The following MYBBP1A variants were observed in gnomAD, a reference collection of about 807,000 sequenced individuals.
MYBBP1A encodes MYB binding protein 1a, also known as myb-binding protein 1A.
MYBBP1A carries 147 observed loss-of-function variants against 136.3 expected under a neutral mutation model. That is an observed-to-expected ratio of 1.08 (90% CI 0.94 to 1.24). MYBBP1A has a LOEUF of 1.24. MYBBP1A is among the 50% of genes most tolerant of loss of function. The probability of loss-of-function intolerance (pLI) is 0.00; values close to 1 mark genes in which losing one functional copy is unlikely to be tolerated. For synonymous variants in MYBBP1A, 947 were observed against 735.8 expected (o/e 1.29, Z -4.65); for missense variants, 2,060 against 1,727.4 (o/e 1.19, Z -3.41).
chr17:4,545,094 G>GCTCCTCCTCCTCGCT lies in MYBBP1A; in HGVS notation c.2227_2241dup (p.Ser743_Glu747dup). 6.3e-7 allele frequency: 1 copy of GCTCCTCCTCCTCGCT among 1,594,692 alleles called. No homozygotes were observed. The highest frequency in any genetic ancestry group is 8.5e-7 in the Non-Finnish European group (1 of 1,171,814). ...AAGCCCTGATCCACGTCCCCGTCGC[G>GCTCCTCCTCCTCGCT]CTCCTCCTCCTCGCTCTCCTCCCCC... is the stretch of plus-strand genomic sequence containing the variant. On this transcript the variant is annotated inframe_insertion, in exon 17 of 26. Transcript: ENST00000254718.
At chr17:4,541,992 G>C in intron 22 of MYBBP1A, 101 bp from the exon 23 acceptor site, 1 of 855,926 alleles carries the variant, frequency 1.2e-6, no homozygotes, top group Non-Finnish European at 1.8e-6. Flanking sequence ...ACTGCTGTGG[G>C]CAGCGTGTGA....
Position 4,548,277 on chromosome 17 carries a change from CTGCT to C in MYBBP1A, c.1586_1589del (p.Lys529ArgfsTer24). On this transcript the variant is annotated frameshift_variant, in exon 12 of 26. Coordinates refer to ENST00000254718, the MANE Select transcript of MYBBP1A (RefSeq NM_014520.4). LOFTEE classifies it high-confidence loss of function. The surrounding 1 kb of genome is among the most constrained non-coding windows in gnomAD (Gnocchi z 4.2). ...GCCCACCCTGGGTCTGGCCCGGTGC[CTGCT>C]TGAACTGCGTGCTGAGGGTCTGCAA... The C allele has an allele frequency of 6.2e-7, 1 of 1,612,578 alleles. No homozygotes were observed. The highest frequency in any genetic ancestry group is 1.7e-5 in the Admixed American group (1 of 60,018).
At chr17:4,546,331 C>A (rs1011739322) in intron 13 of MYBBP1A, among the ~76,000 whole-genome samples, 32 of 152,336 alleles carry the variant, frequency 2.1e-4, no homozygotes, top group Middle Eastern at 3.4e-3. Flanking sequence ...GTTGGCCAGG[C>A]TGGTCTTGAA....
At chr17:4,542,772 C>G in intron 20 of MYBBP1A, 31 bp from the exon 21 acceptor site, 4 of 1,609,922 alleles carry the variant, frequency 2.5e-6, no homozygotes, top group Non-Finnish European at 3.4e-6. Context: ...CTGGGTGAGG[C>G]CAGGAGAGGG....
intron 8 of MYBBP1A, 49 bp downstream of exon 8, chr17:4,551,831 T>C: frequency 6.4e-7 from 1 of 1,550,908 alleles, no homozygotes; most frequent in Non-Finnish European, 8.9e-7. Flanking sequence ...CAGGGAGAGC[T>C]CCACGTCTAG....
rs771785848 is a variant in MYBBP1A at position 4,545,309 on chromosome 17, G to A, written c.2110C>T (p.Arg704Cys). ...NPETSEDEND[R>C]VVVTDDSDER... ...TCAGAATCGTCCGTCACCACCACAC[G>A]GTCATTCTCATCCTCACTGGTCTCG... is the stretch of plus-strand genomic sequence containing the variant. The change falls in exon 16 of 26, where the codon CGT becomes TGT. Residue 704 changes from arginine (R) to cysteine (C), a missense_variant. Transcript: ENST00000254718. The A allele has an allele frequency of 9.9e-6, 16 of 1,612,578 alleles. No homozygotes were observed. The highest frequency in any genetic ancestry group is 2.7e-5 in the African/African-American group (2 of 74,570).
Position 4,553,041 on chromosome 17 carries a change from T to C in MYBBP1A, c.562-415A>G, listed in dbSNP as rs568245287. Among the ~76,000 whole-genome samples the C allele has an allele frequency of 2.6e-5, 4 of 152,224 alleles. No individual in the cohort carries two copies. The East Asian group carries it at 7.7e-4, about 29-fold the overall frequency. ...TTCACCATGTTGGCCAGGCTGGTCT[T>C]GAACTCCTGACCTCAAGTGATCTGC... is the stretch of plus-strand genomic sequence containing the variant. On this transcript the variant is annotated intron_variant, in intron 5 of 25. Coordinates refer to ENST00000254718, the MANE Select transcript of MYBBP1A (RefSeq NM_014520.4).
At position 4,548,259 on chromosome 17, in the gene MYBBP1A, C is replaced by T. The variant is rs1293509874; in HGVS notation, c.1608G>A (p.Gln536=). The stretch of plus-strand genomic sequence containing the variant: ...GGTGGTAGGTCCAGGGCTGCCCACC[C>T]TGGGTCTGGCCCGGTGCCTGCTTGA... ...TQFKQAPGQT[Q]GGQPWTYHLV... The change falls in exon 12 of 26, where the codon CAG becomes CAA. Residue 536 remains glutamine, a synonymous_variant. Coordinates refer to ENST00000254718, the MANE Select transcript of MYBBP1A (RefSeq NM_014520.4). This position sits in a 1 kb window ranked among gnomAD's most constrained non-coding sequence, Gnocchi z 4.2. 1 of 1,612,384 alleles carries T rather than the reference C, an allele frequency of 6.2e-7. No individual in the cohort carries two copies. Among genetic ancestry groups the T allele is most frequent in the Non-Finnish European group, 8.5e-7 (1 of 1,180,010 alleles).
Position 4,544,546 on chromosome 17 carries a change from C to G in MYBBP1A, c.2582G>C (p.Arg861Pro). 1 of 1,559,036 alleles carries G rather than the reference C, an allele frequency of 6.4e-7. No individual in the cohort carries two copies. Among genetic ancestry groups the G allele is most frequent in the Non-Finnish European group, 8.7e-7 (1 of 1,152,002 alleles). The change falls in exon 19 of 26, where the codon CGC becomes CCC. Residue 861 changes from arginine to proline, a missense_variant. Arg to Pro is a moderately radical substitution (Grantham distance 103). Coordinates refer to ENST00000254718, the MANE Select transcript of MYBBP1A (RefSeq NM_014520.4). ...PLLSIIRRSL[R>P]SSSSKQEQDL... ...CTGCTCCTGTTTGGAGCTGCTGCTG[C>G]GCAGGCTGCGCCGGATGATGCTCAG...
Position 4,545,271 on chromosome 17 carries a change from C to T in MYBBP1A, c.2148G>A (p.Leu716=). 1.2e-6 allele frequency: 2 copies of T among 1,612,826 alleles called. No individual in the cohort carries two copies. Among genetic ancestry groups the T allele is most frequent in the East Asian group, 2.2e-5 (1 of 44,850 alleles). The change falls in exon 16 of 26, where the codon CTG becomes CTA. Residue 716 remains leucine (L), a synonymous_variant. Transcript: ENST00000254718. ...VVTDDSDERR[L]KGAEDKSEEG... ...ATGCTGGCAACACCTCTGCACCCTT[C>T]AGCCGCCGCTCATCAGAATCGTCCG...
intron 5 of MYBBP1A, 121 bp downstream of exon 5, chr17:4,553,689 G>A (rs185003783): frequency 3.6e-5 from 26 of 718,456 alleles, no homozygotes; most frequent in African/African-American, 1.3e-4. Context: ...TCACTGAAAC[G>A]CTTCAAATTA....
chr17:4,549,796 A>C (rs1907341690), intron 9 of MYBBP1A, among the ~76,000 whole-genome samples: 1 of 151,300 alleles, frequency 6.6e-6, no homozygotes, highest in Non-Finnish European at 1.5e-5. Flanking sequence ...AAAAAAAAAA[A>C]AAAAAAAAAA....
At position 4,552,711 on chromosome 17, in the gene MYBBP1A, C is replaced by T; in HGVS notation, c.562-85G>A. ...GTTCTACCTGCTCCTGACACGGGGCCACCTGGTGAGGTATCAGAGTCATCA... is the reference window on the plus strand; with the variant it reads ...GTTCTACCTGCTCCTGACACGGGGCTACCTGGTGAGGTATCAGAGTCATCA... On this transcript the variant is annotated intron_variant, in intron 5 of 25. Coordinates refer to ENST00000254718, the MANE Select transcript of MYBBP1A (RefSeq NM_014520.4). This position sits in a 1 kb window ranked among gnomAD's most constrained non-coding sequence, Gnocchi z 4.7. The T allele has an allele frequency of 3.0e-6, 4 of 1,312,332 alleles. No individual in the cohort carries two copies. The highest frequency in any genetic ancestry group is 4.2e-6 in the Non-Finnish European group (4 of 949,974). 81.3% of individuals were successfully genotyped at this position (1,312,332 alleles called of 1,614,324 possible).
In MYBBP1A at chr17:4,543,162, G is replaced by C; in HGVS notation, c.2643C>G (p.His881Gln). The change falls in exon 20 of 26, where the codon CAC becomes CAG. Residue 881 changes from histidine to glutamine, a missense_variant. Physicochemically the swap from His to Gln is conservative, Grantham distance 24 (BLOSUM62 0). Coordinates refer to ENST00000254718, the MANE Select transcript of MYBBP1A (RefSeq NM_014520.4). ...LLHKTARIFT[H>Q]HLCRARRYCH... ...AGTAGCGCCGGGCACGGCACAGGTG[G>C]TGCCTGTGGGTGGTGAGGACGAGAG... The C allele has an allele frequency of 2.5e-6, 4 of 1,602,588 alleles. No individual in the cohort carries two copies. The highest frequency in any genetic ancestry group is 1.1e-5 in the South Asian group (1 of 90,610).
Position 4,540,455 on chromosome 17 carries a change from C to G in MYBBP1A, c.3327G>C (p.Leu1109=), listed in dbSNP as rs146407072. ...EKLTLDLTVL[L]GVLQGQQQSL... ...TCTGCTGTTGCCCCTGCAGCACACC[C>G]AGGAGCACCGTCAGGTCCAAGGTCA... Residue 1109 remains leucine (L), a synonymous_variant, in exon 25 of 26, where the codon CTG becomes CTC. Coordinates refer to ENST00000254718, the MANE Select transcript of MYBBP1A (RefSeq NM_014520.4). 567 of 1,610,664 alleles carry G rather than the reference C, an allele frequency of 3.5e-4. 1 individual carries two copies. The African/African-American group carries it at 6.4e-3, about 18-fold the overall frequency.
intron 23 of MYBBP1A, 50 bp from the exon 24 acceptor site, chr17:4,541,614 T>C (rs1397804032): frequency 6.3e-7 from 1 of 1,580,770 alleles, no homozygotes; most frequent in South Asian, 1.1e-5. Context: ...GCTCAAAGCC[T>C]TTCTGTTTCC....
At position 4,539,390 on chromosome 17, in the gene MYBBP1A, G is replaced by T; in HGVS notation, c.*25C>A. 1 of 1,566,318 alleles carries T rather than the reference G, an allele frequency of 6.4e-7. No individual in the cohort carries two copies. On this transcript the variant is annotated 3_prime_UTR_variant, in exon 26 of 26. Transcript: ENST00000254718. ...GGCGTCTCAGGCAGATGGAGGCAGG[G>T]GCTGAGGGGGGCCCGTACCTGTGCT... is the stretch of plus-strand genomic sequence containing the variant.
At chr17:4,547,771 A>G (rs1228449890) in intron 13 of MYBBP1A, 187 bp downstream of exon 13, 1 of 539,196 alleles carries the variant, frequency 1.9e-6, no homozygotes, top group Non-Finnish European at 3.3e-6. Flanking sequence ...CTAGGACACC[A>G]GCTGGTGCCG....
At chr17:4,543,624 G>A (rs1007714873) in intron 19 of MYBBP1A, among the ~76,000 whole-genome samples, 4 of 152,146 alleles carry the variant, frequency 2.6e-5, no homozygotes, top group East Asian at 1.9e-4. Flanking sequence ...CTGAGAAGGC[G>A]TGGCCCGGGC....
Sources: allele counts gnomAD v4.1 joint callset (sites outside exome capture counted in the v4.1 genomes callset), GRCh38; gene constraint gnomAD v4.1.1; non-coding constraint Gnocchi (gnomAD v3.1); transcripts MANE v1.5; gene names NCBI Gene and HGNC (gene_info 2026-07-23, HGNC 2026-07-21).